The following CDKN3 variants were observed in gnomAD, a reference collection of about 807,000 sequenced individuals.
The protein encoded by CDKN3 is cyclin dependent kinase inhibitor 3.
Under a neutral mutation model 36.1 loss-of-function variants are expected in CDKN3, and 19 were observed. The observed-to-expected ratio is 0.53, with a 90% CI of 0.37 to 0.77. CDKN3 has a LOEUF of 0.77. Ranked by LOEUF, CDKN3 falls within the 30% of genes least tolerant of loss-of-function variation. CDKN3 has a pLI of 0.00. For missense variants in CDKN3, 188 were observed against 248.6 expected (o/e 0.76, Z 1.64); for synonymous variants, 71 against 85.3 (o/e 0.83, Z 0.92).
intron 6 of CDKN3, among the ~76,000 whole-genome samples, chr14:54,417,522 G>T (rs952366711): frequency 5.9e-5 from 9 of 152,160 alleles, no homozygotes; most frequent in African/African-American, 2.2e-4. Context: ...CAGCAAAAGG[G>T]TACACTTCTT....
intron 5 of CDKN3, chr14:54,411,926 A>G: frequency 3.4e-6 from 2 of 586,840 alleles, no homozygotes; most frequent in Non-Finnish European, 3.0e-6. Context: ...AAATGAGTAG[A>G]TTTGGAAATT....
At chr14:54,412,493 T>C (rs772227852) in intron 5 of CDKN3, among the ~76,000 whole-genome samples, 7 of 152,216 alleles carry the variant, frequency 4.6e-5, no homozygotes, top group Non-Finnish European at 7.3e-5. Context: ...TTTGATGATA[T>C]GACTGCTAAC....
At chr14:54,407,899 T>C (rs749085284) in intron 3 of CDKN3, among the ~76,000 whole-genome samples, 1 of 152,194 alleles carries the variant, frequency 6.6e-6, no homozygotes, top group Non-Finnish European at 1.5e-5. Flanking sequence ...CAGTTGGAAA[T>C]GCAGAAATCA....
intron 3 of CDKN3, among the ~76,000 whole-genome samples, chr14:54,407,765 G>C (rs1449667500): frequency 2.0e-5 from 3 of 152,240 alleles, no homozygotes; most frequent in Admixed American, 2.0e-4. Context: ...CAAGCCAGTG[G>C]ATCTTAGCTT....
intron 5 of CDKN3, 42 bp from the exon 6 acceptor site, chr14:54,415,856 TG>T: frequency 6.8e-7 from 1 of 1,471,856 alleles, no homozygotes. Flanking sequence ...TAACTAGGGA[TG>T]GAATGAAATG....
chr14:54,402,135 G>A lies in CDKN3; in HGVS notation c.148+556G>A, dbSNP rs116725481. 9.6e-3 allele frequency among the ~76,000 whole-genome samples: 1,453 copies of A among 151,788 alleles called. 13 individuals carry two copies. The highest frequency in any genetic ancestry group is 0.032 in the African/African-American group (1,341 of 41,332). ...AGGTAGGAGAATTGCTTTGACAGGAGGCAGGGGTTGCAGTGAGCCGAGATC... is the reference window on the plus strand; with the variant it reads ...AGGTAGGAGAATTGCTTTGACAGGAAGCAGGGGTTGCAGTGAGCCGAGATC... On this transcript the variant is annotated intron_variant, in intron 3 of 7. Transcript: ENST00000335183.
At chr14:54,405,804 G>GAAAA (rs1421446739) in intron 3 of CDKN3, among the ~76,000 whole-genome samples, 100 of 152,270 alleles carry the variant, frequency 6.6e-4, no homozygotes, top group Admixed American at 1.6e-3. Flanking sequence ...TTGCCAGTCT[G>GAAAA]TGTCTTTTAA....
chr14:54,401,677 C>T (rs2139967862), intron 3 of CDKN3, 98 bp downstream of exon 3: 1 of 883,328 alleles, frequency 1.1e-6, no homozygotes, highest in East Asian at 2.8e-5. Flanking sequence ...TGTTTGGTTA[C>T]ATAAATAAGT....
intron 5 of CDKN3, among the ~76,000 whole-genome samples, chr14:54,414,545 T>TA (rs1248676793): frequency 2.2e-5 from 3 of 137,790 alleles, no homozygotes; most frequent in Non-Finnish European, 4.6e-5. Context: ...ATCTTGATCT[T>TA]TTTTTTTTTT....
At chr14:54,413,952 C>A (rs1168199950) in intron 5 of CDKN3, 1 of 464,752 alleles carries the variant, frequency 2.2e-6, no homozygotes, top group Non-Finnish European at 3.2e-6. Context: ...GAGCCATGCC[C>A]TCTGAGACTG....
chr14:54,415,579 C>A (rs946255104), intron 5 of CDKN3, among the ~76,000 whole-genome samples: 2 of 152,158 alleles, frequency 1.3e-5, no homozygotes, highest in Admixed American at 1.3e-4. Flanking sequence ...GAGGAATAAT[C>A]AAAGTGACAG....
chr14:54,418,306 G>A, intron 7 of CDKN3: 1 of 700,238 alleles, frequency 1.4e-6, no homozygotes, highest in South Asian at 1.5e-5. Context: ...ATACAAACTT[G>A]GTACGTTCTT....
intron 5 of CDKN3, among the ~76,000 whole-genome samples, chr14:54,413,107 A>C (rs1276418422): frequency 6.6e-6 from 1 of 152,230 alleles, no homozygotes; most frequent in Non-Finnish European, 1.5e-5. Context: ...CATACAGAGA[A>C]ATATAGTTTG....
At chr14:54,418,052 C>T in intron 7 of CDKN3, 101 bp downstream of exon 7, 1 of 709,880 alleles carries the variant, frequency 1.4e-6, no homozygotes, top group Non-Finnish European at 2.5e-6. Flanking sequence ...TCCAAAAGGG[C>T]AGTGAAATGA....
intron 7 of CDKN3, chr14:54,418,312 T>G (rs755866558): frequency 1.4e-6 from 1 of 694,958 alleles, no homozygotes; most frequent in African/African-American, 1.8e-5. Context: ...ACTTGGTACG[T>G]TCTTGGGTAG....
chr14:54,402,206 A>G (rs75603886), intron 3 of CDKN3, among the ~76,000 whole-genome samples: 2 of 127,894 alleles, frequency 1.6e-5, no homozygotes, highest in Admixed American at 1.5e-4. Flanking sequence ...CTCTGTCTCA[A>G]AAAAAAAAAA....
intron 5 of CDKN3, among the ~76,000 whole-genome samples, chr14:54,415,663 G>C (rs1477606853): frequency 6.6e-6 from 1 of 152,206 alleles, no homozygotes; most frequent in Non-Finnish European, 1.5e-5. Flanking sequence ...ACCTAAAGAG[G>C]TCAATAAGAA....
rs557290410 is a variant in CDKN3 at position 54,407,790 on chromosome 14, G to A, written c.149-955G>A. On this transcript the variant is annotated intron_variant, in intron 3 of 7. Transcript: ENST00000335183. The stretch of plus-strand genomic sequence containing the variant: ...GATCTTAGCTTGTTGGGCTCCGTTG[G>A]GGGTGGGATCCACAGAGCAAGACCA... Among the ~76,000 whole-genome samples the A allele has an allele frequency of 1.6e-4, 24 of 152,320 alleles. No individual in the cohort carries two copies. The South Asian group carries it at 3.9e-3, about 25-fold the overall frequency.
chr14:54,417,278 C>T (rs971863599), intron 6 of CDKN3, among the ~76,000 whole-genome samples: 1 of 152,152 alleles, frequency 6.6e-6, no homozygotes, highest in Non-Finnish European at 1.5e-5. Flanking sequence ...AACAGATAAA[C>T]ACAATGTGGC....
Sources: allele counts gnomAD v4.1 joint callset (sites outside exome capture counted in the v4.1 genomes callset), GRCh38; gene constraint gnomAD v4.1.1; transcripts MANE v1.5; gene names NCBI Gene and HGNC (gene_info 2026-07-23, HGNC 2026-07-21).